The following CMSS1 variants were observed in gnomAD, a reference collection of about 807,000 sequenced individuals.
The protein encoded by CMSS1 is protein CMSS1.
In CMSS1, 33 loss-of-function variants were observed where a neutral mutation model predicts 43.5. The observed-to-expected ratio is 0.76, with a 90% CI of 0.57 to 1.01. CMSS1 has a LOEUF of 1.01. Ranked by LOEUF, CMSS1 falls within the 50% of genes least tolerant of loss-of-function variation. The pLI, the probability that CMSS1 is intolerant of heterozygous loss-of-function variation, is 0.00. For missense variants in CMSS1, 313 were observed against 326.4 expected (o/e 0.96, Z 0.32); for synonymous variants, 115 against 117.2 (o/e 0.98, Z 0.12).
chr3:99,821,155 C>A (rs1411133168), intron 1 of CMSS1, among the ~76,000 whole-genome samples: 1 of 152,166 alleles, frequency 6.6e-6, no homozygotes, highest in African/African-American at 2.4e-5. Context: ...TTTCATGGCT[C>A]TTTAAAACCT....
chr3:100,034,245 TG>T (rs2065069526), intron 1 of CMSS1, among the ~76,000 whole-genome samples: 1 of 152,002 alleles, frequency 6.6e-6, no homozygotes, highest in African/African-American at 2.4e-5. Flanking sequence ...GAACTCAGAA[TG>T]GGGGGAAAAA....
intron 1 of CMSS1, among the ~76,000 whole-genome samples, chr3:99,856,937 C>A (rs2107544084): frequency 6.6e-6 from 1 of 152,218 alleles, no homozygotes; most frequent in South Asian, 2.1e-4. Context: ...TATTATAATT[C>A]TTACCGCTTT....
At chr3:99,964,854 A>G (rs938738699) in intron 1 of CMSS1, among the ~76,000 whole-genome samples, 10 of 151,226 alleles carry the variant, frequency 6.6e-5, no homozygotes, top group African/African-American at 1.9e-4. Context: ...CTGTGGAAAA[A>G]CTCTTTCCTA....
At chr3:99,949,634 C>T (rs1708117899) in intron 1 of CMSS1, among the ~76,000 whole-genome samples, 2 of 152,138 alleles carry the variant, frequency 1.3e-5, no homozygotes, top group Non-Finnish European at 2.9e-5. Context: ...CTAAGAAAGA[C>T]AAAGAAGTGC....
intron 1 of CMSS1, among the ~76,000 whole-genome samples, chr3:99,828,059 C>T (rs901090628): frequency 1.3e-5 from 2 of 152,150 alleles, no homozygotes; most frequent in African/African-American, 2.4e-5. Flanking sequence ...GTATTTTGTG[C>T]TTCATTTCAG....
At position 99,928,994 on chromosome 3, in the gene CMSS1, C is replaced by T. The variant is rs150199587; in HGVS notation, c.64+110951C>T. 6.7e-3 allele frequency among the ~76,000 whole-genome samples: 1,025 copies of T among 152,304 alleles called. 3 individuals are homozygous for T. The highest frequency in any genetic ancestry group is 8.5e-3 in the African/African-American group (353 of 41,556). On this transcript the variant is annotated intron_variant, in intron 1 of 9. Coordinates refer to ENST00000421999, the MANE Select transcript of CMSS1 (RefSeq NM_032359.4). The stretch of plus-strand genomic sequence containing the variant: ...ATACTAAAGACGAGAATAGCAAGGA[C>T]ATTAGAGGTCAGTCCTGAGGTAGGT...
chr3:100,094,675 T>A (rs1305381480), intron 1 of CMSS1, among the ~76,000 whole-genome samples: 41 of 15,622 alleles, frequency 2.6e-3, no homozygotes, highest in Non-Finnish European at 4.4e-3. Flanking sequence ...AAAAGCTGCC[T>A]TTTTTTTTTT....
intron 1 of CMSS1, among the ~76,000 whole-genome samples, chr3:100,117,878 T>TACAC (rs1553715652): frequency 3.1e-4 from 40 of 129,086 alleles, no homozygotes; most frequent in African/African-American, 1.2e-3. Context: ...TATATATATA[T>TACAC]ACACATACAA....
At chr3:100,055,568 C>T (rs944343593) in intron 1 of CMSS1, among the ~76,000 whole-genome samples, 8 of 152,212 alleles carry the variant, frequency 5.3e-5, no homozygotes, top group African/African-American at 1.9e-4. Context: ...GGAAAATATA[C>T]AAAGATGCAA....
At position 99,820,155 on chromosome 3, in the gene CMSS1, A is replaced by G. The variant is rs147052727; in HGVS notation, c.64+2112A>G. On this transcript the variant is annotated intron_variant, in intron 1 of 9. Transcript: ENST00000421999. ...ATGAAGACAGTGTGTTGGAGTGCCT[A>G]AGATTGCTCTACTTCTTACATTCCT... 6.7e-3 allele frequency among the ~76,000 whole-genome samples: 1,027 copies of G among 152,184 alleles called. 3 individuals are homozygous for G. Among genetic ancestry groups the G allele is most frequent in the African/African-American group, 8.5e-3 (355 of 41,526 alleles).
At chr3:100,141,359 G>T (rs1341840391) in intron 1 of CMSS1, among the ~76,000 whole-genome samples, 1 of 152,160 alleles carries the variant, frequency 6.6e-6, no homozygotes, top group Non-Finnish European at 1.5e-5. Context: ...CCTCTAAATG[G>T]ATCCCCAAAA....
At chr3:100,019,855 A>G (rs1246378638) in intron 1 of CMSS1, among the ~76,000 whole-genome samples, 2 of 152,190 alleles carry the variant, frequency 1.3e-5, no homozygotes, top group Admixed American at 6.5e-5. Flanking sequence ...TGTACTTGGC[A>G]TGTATGGAAG....
chr3:99,850,072 A>G, intron 1 of CMSS1: 1 of 1,612,582 alleles, frequency 6.2e-7, no homozygotes, highest in Non-Finnish European at 8.5e-7. Context: ...CTTCTCAGTA[A>G]CTGTTGTTAC....
chr3:99,970,938 G>A (rs1708795422), intron 1 of CMSS1, among the ~76,000 whole-genome samples: 1 of 152,230 alleles, frequency 6.6e-6, no homozygotes, highest in South Asian at 2.1e-4. Flanking sequence ...AGTCATTCAT[G>A]TGAAGGAATA....
intron 1 of CMSS1, among the ~76,000 whole-genome samples, chr3:100,001,632 T>G (rs1709845078): frequency 6.6e-6 from 1 of 152,134 alleles, no homozygotes; most frequent in Non-Finnish European, 1.5e-5. Context: ...TCTAGTTGGG[T>G]CTTGTCTTCC....
intron 1 of CMSS1, among the ~76,000 whole-genome samples, chr3:99,903,512 A>G (rs1706510624): frequency 6.6e-6 from 1 of 152,096 alleles, no homozygotes; most frequent in African/African-American, 2.4e-5. Context: ...GGCCTCCCAA[A>G]GTGCTGGGAT....
intron 1 of CMSS1, among the ~76,000 whole-genome samples, chr3:99,974,476 G>A (rs1247778569): frequency 1.3e-5 from 2 of 152,164 alleles, no homozygotes; most frequent in South Asian, 2.1e-4. Flanking sequence ...TTGGGAGGCC[G>A]AGGCAGGTGG....
intron 1 of CMSS1, among the ~76,000 whole-genome samples, chr3:99,967,307 A>T (rs145797433): frequency 1.2e-4 from 19 of 152,342 alleles, no homozygotes; most frequent in Middle Eastern, 3.4e-3. Flanking sequence ...AGTGTTGGTA[A>T]TAATGCCTTG....
chr3:100,019,901 C>T (rs185239317), intron 1 of CMSS1, among the ~76,000 whole-genome samples: 136 of 152,040 alleles, frequency 8.9e-4, no homozygotes, highest in Middle Eastern at 3.4e-3. Flanking sequence ...CTTTTTTTCA[C>T]TTAAAGGAAG....
Sources: gnomAD v4.1 joint callset for allele counts (sites outside exome capture counted in the v4.1 genomes callset) on GRCh38, gnomAD v4.1.1 for gene constraint, MANE v1.5 for transcripts, NCBI Gene and HGNC (gene_info 2026-07-23, HGNC 2026-07-21) for gene names.